TUBGCP3: variants seen among roughly 807,000 people sequenced by gnomAD.
TUBGCP3 encodes gamma-tubulin complex component 3.
Under a neutral mutation model 123.1 loss-of-function variants are expected in TUBGCP3, and 50 were observed. The ratio of observed to expected loss-of-function variants is 0.41; its 90% CI spans 0.32 to 0.51. The LOEUF is 0.51. Among genes scored for constraint, TUBGCP3 ranks in the 20% least tolerant of loss-of-function variants. The pLI is 0.36. For synonymous variants in TUBGCP3, 405 were observed against 413.9 expected (o/e 0.98, Z 0.26); for missense variants, 882 against 1,127.0 (o/e 0.78, Z 3.11).
At chr13:112,515,431 C>T (rs1316830679) in intron 17 of TUBGCP3, among the ~76,000 whole-genome samples, 1 of 152,144 alleles carries the variant, frequency 6.6e-6, no homozygotes, top group Non-Finnish European at 1.5e-5. Flanking sequence ...AGTACACATC[C>T]AGTTAAAGCA....
chr13:112,592,478 T>A (rs1365425896), upstream of TUBGCP3, among the ~76,000 whole-genome samples: 1 of 152,064 alleles, frequency 6.6e-6, no homozygotes, highest in Non-Finnish European at 1.5e-5. The surrounding 1 kb of genome is among the most constrained non-coding windows in gnomAD (Gnocchi z 4.1). Flanking sequence ...CCCACGGCAC[T>A]GGGTGAAGGT....
chr13:112,590,397 G>T (rs1882863132), upstream of TUBGCP3, among the ~76,000 whole-genome samples: 1 of 152,156 alleles, frequency 6.6e-6, no homozygotes, highest in African/African-American at 2.4e-5. Context: ...CGGGTATACA[G>T]TCAGGGCTGT....
chr13:112,559,461 C>T, intron 3 of TUBGCP3, 62 bp from the exon 4 acceptor site: 1 of 1,341,184 alleles, frequency 7.5e-7, no homozygotes, highest in South Asian at 1.3e-5. Flanking sequence ...CCTTATTTTC[C>T]TCTTTCCTGA....
chr13:112,516,785 A>T (rs1470769761), intron 16 of TUBGCP3, among the ~76,000 whole-genome samples: 1 of 152,180 alleles, frequency 6.6e-6, no homozygotes, highest in Non-Finnish European at 1.5e-5. Context: ...CTTGCAGTTT[A>T]TTAGGATTTT....
intron 18 of TUBGCP3, 101 bp downstream of exon 18, chr13:112,504,525 T>A: frequency 8.9e-6 from 7 of 789,490 alleles, no homozygotes; most frequent in Non-Finnish European, 1.4e-5. Flanking sequence ...TATATACACA[T>A]ATATATACAC....
intron 11 of TUBGCP3, among the ~76,000 whole-genome samples, chr13:112,534,017 G>A (rs553933429): frequency 1.3e-5 from 2 of 152,134 alleles, no homozygotes; most frequent in South Asian, 4.2e-4. Context: ...ACTGCACAGA[G>A]GATTGCGAGT....
At chr13:112,581,042 C>T (rs2139324876) in intron 1 of TUBGCP3, among the ~76,000 whole-genome samples, 1 of 149,752 alleles carries the variant, frequency 6.7e-6, no homozygotes, top group East Asian at 2.0e-4. Flanking sequence ...ACACCCATCA[C>T]ACTCACAACA....
In TUBGCP3 at chr13:112,524,878, A is replaced by G. The variant is rs763991499; in HGVS notation, c.1555+2064T>C. The stretch of plus-strand genomic sequence containing the variant: ...GAAGCTTCCACTAGTAAGTCCTCTC[A>G]GCTACTGAAAACCAAATTGCCCGAA... On this transcript the variant is annotated intron_variant, in intron 13 of 21. Transcript: ENST00000261965. The surrounding 1 kb of genome is among the most constrained non-coding windows in gnomAD (Gnocchi z 4.4). Among the ~76,000 whole-genome samples the G allele has an allele frequency of 3.9e-5, 6 of 152,196 alleles. No individual in the cohort carries two copies. Among genetic ancestry groups the G allele is most frequent in the Non-Finnish European group, 5.9e-5 (4 of 68,044 alleles).
intron 1 of TUBGCP3, among the ~76,000 whole-genome samples, chr13:112,571,517 C>A (rs138898796): frequency 6.6e-6 from 1 of 152,168 alleles, no homozygotes; most frequent in African/African-American, 2.4e-5. Flanking sequence ...TAGCATAACT[C>A]CTAAGGGCCC....
In TUBGCP3 at chr13:112,530,377, C is replaced by T. The variant is rs1877476575; in HGVS notation, c.1336-2893G>A. The stretch of plus-strand genomic sequence containing the variant: ...AAAAATAGATTGTTCTTAACTACCA[C>T]AGCCCTTTCCAACAATCTGATGAAA... On this transcript the variant is annotated intron_variant, in intron 11 of 21. Coordinates refer to ENST00000261965, the MANE Select transcript of TUBGCP3 (RefSeq NM_006322.6). Among the ~76,000 whole-genome samples the T allele has an allele frequency of 2.0e-5, 3 of 152,222 alleles. No individual in the cohort carries two copies. In the South Asian group the frequency reaches 6.2e-4, roughly 32 times the overall value.
chr13:112,493,837 C>T (rs1363223200), intron 20 of TUBGCP3, among the ~76,000 whole-genome samples: 2 of 148,380 alleles, frequency 1.3e-5, no homozygotes, highest in Admixed American at 6.7e-5. Flanking sequence ...ATCCCTCAGA[C>T]GCTCTAGCTA....
chr13:112,595,200 CA>C, the TUBGCP3 span, among the ~76,000 whole-genome samples: 6 of 145,864 alleles, frequency 4.1e-5, no homozygotes, highest in Admixed American at 1.3e-4. Flanking sequence ...TCAATTAATA[CA>C]TTTTTTTTTT....
At chr13:112,554,303 T>A in intron 7 of TUBGCP3, 121 bp from the exon 8 acceptor site, 1 of 1,198,858 alleles carries the variant, frequency 8.3e-7, no homozygotes, top group African/African-American at 1.5e-5. Flanking sequence ...ACATAAAAGT[T>A]AAAACTAAGA....
chr13:112,491,443 C>T (rs1880097462), intron 20 of TUBGCP3, among the ~76,000 whole-genome samples: 1 of 152,188 alleles, frequency 6.6e-6, no homozygotes, highest in Admixed American at 6.5e-5. Flanking sequence ...GAAGCCCACA[C>T]TGCGTGGTCC....
chr13:112,574,576 AAAGATGTAAAGAAAACAAACAGGATTGAC>A (rs1881666378), intron 1 of TUBGCP3, among the ~76,000 whole-genome samples: 1 of 152,266 alleles, frequency 6.6e-6, no homozygotes, highest in Non-Finnish European at 1.5e-5. Context: ...AGAATCCCTG[AAAGATGTAAAGAAAACAAACAGGATTGAC>A]TTGAAAGAAG....
chr13:112,541,313 G>A (rs1352333478), intron 11 of TUBGCP3, among the ~76,000 whole-genome samples: 7 of 152,228 alleles, frequency 4.6e-5, no homozygotes, highest in South Asian at 2.1e-4. Context: ...AGGCCGAGGC[G>A]GGTGGATCAC....
intron 17 of TUBGCP3, among the ~76,000 whole-genome samples, chr13:112,515,481 G>A (rs1481350289): frequency 1.3e-5 from 2 of 152,178 alleles, no homozygotes; most frequent in Non-Finnish European, 2.9e-5. Flanking sequence ...CGAGAAGGAC[G>A]GTGTGAAACC....
chr13:112,587,759 C>T, intron 1 of TUBGCP3, 146 bp downstream of exon 1: 1 of 638,010 alleles, frequency 1.6e-6, no homozygotes, highest in Non-Finnish European at 2.4e-6. Context: ...CTCCCTCGTC[C>T]GGGCCCCACG....
rs1419038816 is a variant in TUBGCP3 at position 112,527,312 on chromosome 13, A to C, written c.1446+62T>G. 4.7e-6 allele frequency: 6 copies of C among 1,267,818 alleles called. No homozygotes were observed. The South Asian group carries it at 5.8e-5, about 12-fold the overall frequency. 78.5% of individuals were successfully genotyped at this position (1,267,818 alleles called of 1,614,324 possible). A position where few individuals can be genotyped will look rare whatever the true frequency, so the allele number is the denominator to read the frequency against. On this transcript the variant is annotated intron_variant, in intron 12 of 21. Coordinates refer to ENST00000261965, the MANE Select transcript of TUBGCP3 (RefSeq NM_006322.6). ...ATTTTAACTGAAAATTGGTTTTGTC[A>C]CATAATCTAAGTATACATAGCCATA...
Sources: allele counts gnomAD v4.1 joint callset (sites outside exome capture counted in the v4.1 genomes callset), GRCh38; gene constraint gnomAD v4.1.1; non-coding constraint Gnocchi (gnomAD v3.1); transcripts MANE v1.5; gene names NCBI Gene and HGNC (gene_info 2026-07-23, HGNC 2026-07-21).